ERF: variants seen among roughly 807,000 people sequenced by gnomAD.
The protein encoded by ERF is ETS domain-containing transcription factor ERF.
Under a neutral mutation model 41.6 loss-of-function variants are expected in ERF, and 10 were observed. That is an observed-to-expected ratio of 0.24 (90% CI 0.15 to 0.41). The LOEUF is 0.41. ERF is among the 10% of genes least tolerant of loss of function. The pLI is 1.00. For synonymous variants in ERF, 395 were observed against 342.4 expected (o/e 1.15, Z -1.70); for missense variants, 621 against 763.2 (o/e 0.81, Z 2.19).
At chr19:42,253,963 G>T in intron 1 of ERF, 1 of 1,015,114 alleles carries the variant, frequency 9.9e-7, no homozygotes, top group South Asian at 3.2e-5. Context: ...GCCGGATTCC[G>T]ACGGGGTAGA....
Position 42,250,510 on chromosome 19 carries a change from C to A in ERF, c.78G>T (p.Gln26His). 1.2e-6 allele frequency: 2 copies of A among 1,613,688 alleles called. No homozygotes were observed. The highest frequency in any genetic ancestry group is 1.7e-6 in the Non-Finnish European group (2 of 1,180,034). Residue 26 changes from glutamine to histidine, a missense_variant, in exon 2 of 4, where the codon CAG (glutamine) becomes CAT (histidine). Physicochemically the swap from Gln to His is conservative, Grantham distance 24. Around this residue, in one of 3 missense-constraint regions of ERF, gnomAD observed 34 missense variants for 56.8 expected, o/e 0.60. Transcript: ENST00000222329. This position sits in a 1 kb window ranked among gnomAD's most constrained non-coding sequence, Gnocchi z 5.1. ...YKPESSPGSR[Q>H]IQLWHFILEL... ...CCAGGATAAAGTGCCACAGCTGGAT[C>A]TGCCTTGAGCCAGGGGACGACTCTG...
In ERF at chr19:42,248,289, C is replaced by G. The variant is rs1265795013; in HGVS notation, c.*176G>C. 2.2e-6 allele frequency: 1 copy of G among 457,948 alleles called. No homozygotes were observed. The highest frequency in any genetic ancestry group is 3.3e-6 in the Non-Finnish European group (1 of 299,200). 28.4% of individuals were successfully genotyped at this position (457,948 alleles called of 1,614,324 possible). A position where few individuals can be genotyped will look rare whatever the true frequency, so the allele number is the denominator to read the frequency against. The stretch of plus-strand genomic sequence containing the variant: ...TAGCCCCTAGCCCTGGGCACCCACC[C>G]ACCCCCACCATTTTTAAAAAAAAGA... On this transcript the variant is annotated 3_prime_UTR_variant, in exon 4 of 4. Transcript: ENST00000222329. The surrounding 1 kb of genome is among the most constrained non-coding windows in gnomAD (Gnocchi z 4.2).
rs1489575834 is a variant in ERF at position 42,249,750 on chromosome 19, G to A, written c.374-12C>T. 1.9e-6 allele frequency: 3 copies of A among 1,609,752 alleles called. No individual in the cohort carries two copies. The Admixed American group carries it at 5.0e-5, about 27-fold the overall frequency. ...GGGCACTGCACCCCCTGGCAGAAGG[G>A]AGACAGTGTCAAGGCCCCTGGCCTA... On this transcript the variant is annotated splice_polypyrimidine_tract_variant and intron_variant, in intron 3 of 3. Coordinates refer to ENST00000222329, the MANE Select transcript of ERF (RefSeq NM_006494.4). This position sits in a 1 kb window ranked among gnomAD's most constrained non-coding sequence, Gnocchi z 8.6.
intron 1 of ERF, among the ~76,000 whole-genome samples, chr19:42,252,919 C>T (rs968680936): frequency 1.3e-5 from 2 of 152,110 alleles, no homozygotes; most frequent in Admixed American, 1.3e-4. Context: ...ACCTCGGGAA[C>T]ATGGGGGCCA....
rs2036348532 is a variant in ERF at position 42,247,579 on chromosome 19, CA to C, written c.*885del. Reference sequence around the variant, plus strand: ...ACATTGATCACTGCATCCAAAGGTCCAAAGTTTTATTGTTTTGAATACATTC... The same window carrying C: ...ACATTGATCACTGCATCCAAAGGTCCAAGTTTTATTGTTTTGAATACATTC... On this transcript the variant is annotated 3_prime_UTR_variant, in exon 4 of 4. Transcript: ENST00000222329. The C allele has an allele frequency of 6.5e-6, 1 of 152,706 alleles. No individual in the cohort carries two copies. The highest frequency in any genetic ancestry group is 6.5e-5 in the Admixed American group (1 of 15,290). The allele number at this position is 152,706 out of a possible 1,614,324, so 9.5% of individuals were successfully genotyped here. A position where few individuals can be genotyped will look rare whatever the true frequency, so the allele number is the denominator to read the frequency against.
intron 1 of ERF, chr19:42,253,930 C>A (rs1046789232): frequency 9.6e-7 from 1 of 1,041,896 alleles, no homozygotes; most frequent in Non-Finnish European, 1.2e-6. Flanking sequence ...GGCCCCCTTC[C>A]CCCTCCCCCG....
intron 1 of ERF, among the ~76,000 whole-genome samples, chr19:42,254,354 G>A (rs1229371197): frequency 6.6e-6 from 1 of 151,976 alleles, no homozygotes; most frequent in Non-Finnish European, 1.5e-5. Context: ...TTCTAAGGTC[G>A]GAAACAAAAA....
In ERF at chr19:42,250,615, G is replaced by A; in HGVS notation, c.23-50C>T. ...CCTGGGGTCAGGCTGCCAAGTCCAGGGCTCTGGGTCCCATCCCAGGGTCCA... is the reference window on the plus strand; with the variant it reads ...CCTGGGGTCAGGCTGCCAAGTCCAGAGCTCTGGGTCCCATCCCAGGGTCCA... On this transcript the variant is annotated intron_variant, in intron 1 of 3. Coordinates refer to ENST00000222329, the MANE Select transcript of ERF (RefSeq NM_006494.4). This position sits in a 1 kb window ranked among gnomAD's most constrained non-coding sequence, Gnocchi z 5.1. 1 of 1,576,714 alleles carries A rather than the reference G, an allele frequency of 6.3e-7. No homozygotes were observed. Among genetic ancestry groups the A allele is most frequent in the South Asian group, 1.1e-5 (1 of 87,596 alleles).
rs1425355007 is a variant in ERF at position 42,250,563 on chromosome 19, A to G, written c.25T>C (p.Phe9Leu). 1 of 1,612,766 alleles carries G rather than the reference A, an allele frequency of 6.2e-7. No homozygotes were observed. The highest frequency in any genetic ancestry group is 8.5e-7 in the Non-Finnish European group (1 of 1,179,806). The change falls in exon 2 of 4, where the codon TTT (phenylalanine) becomes CTT (leucine). Residue 9 changes from phenylalanine to leucine, a missense_variant and splice_region_variant. Around this residue, in one of 3 missense-constraint regions of ERF, gnomAD observed 34 missense variants for 56.8 expected, o/e 0.60. Transcript: ENST00000222329. This position sits in a 1 kb window ranked among gnomAD's most constrained non-coding sequence, Gnocchi z 5.1. ...TTGTAGGCCCAATCCGGGAAGGCAA[A>G]CCCTGGGGACGGGAGGCAGGGAGTG... MKTPADTG[F>L]AFPDWAYKPE... is the part of the protein sequence containing the mutation.
chr19:42,248,626 C>T lies in ERF; in HGVS notation c.1486G>A (p.Gly496Arg), dbSNP rs746136866. ...AAGCCCCCAGCGGGGCCCCCACCCCCTTCGAGGCGACAGTCTTCACTCCAG... is the reference window on the plus strand; with the variant it reads ...AAGCCCCCAGCGGGGCCCCCACCCCTTTCGAGGCGACAGTCTTCACTCCAG... Reference protein sequence around the residue: ...RRWSEDCRLEGGGGPAGGFED... With the variant: ...RRWSEDCRLERGGGPAGGFED... The change falls in exon 4 of 4, where the codon GGG becomes AGG. Residue 496 changes from glycine (G) to arginine (R), a missense_variant. By Grantham distance (125) the Gly-to-Arg change is moderately radical (BLOSUM62 -2). Coordinates refer to ENST00000222329, the MANE Select transcript of ERF (RefSeq NM_006494.4). The surrounding 1 kb of genome is among the most constrained non-coding windows in gnomAD (Gnocchi z 4.2). 4 of 1,585,250 alleles carry T rather than the reference C, an allele frequency of 2.5e-6. No homozygotes were observed. Among genetic ancestry groups the T allele is most frequent in the Non-Finnish European group, 2.6e-6 (3 of 1,162,972 alleles).
chr19:42,248,403 G>T lies in ERF; in HGVS notation c.*62C>A. On this transcript the variant is annotated 3_prime_UTR_variant, in exon 4 of 4. Coordinates refer to ENST00000222329, the MANE Select transcript of ERF (RefSeq NM_006494.4). This position sits in a 1 kb window ranked among gnomAD's most constrained non-coding sequence, Gnocchi z 4.2. ...CTGCCCTCACCTCCAGGGCATAGGGGGCTTAAGGCAGCAAAAGAAGCATGG... is the reference window on the plus strand; with the variant it reads ...CTGCCCTCACCTCCAGGGCATAGGGTGCTTAAGGCAGCAAAAGAAGCATGG... The T allele has an allele frequency of 7.1e-7, 1 of 1,399,956 alleles. No individual in the cohort carries two copies. Among genetic ancestry groups the T allele is most frequent in the African/African-American group, 1.5e-5 (1 of 68,954 alleles). The allele number at this position is 1,399,956 out of a possible 1,614,324, so 86.7% of individuals were successfully genotyped here. A position where few individuals can be genotyped will look rare whatever the true frequency, so the allele number is the denominator to read the frequency against.
In ERF at chr19:42,250,366, G is replaced by A; in HGVS notation, c.222C>T (p.Pro74=). The A allele has an allele frequency of 6.2e-7, 1 of 1,614,076 alleles. No homozygotes were observed. The highest frequency in any genetic ancestry group is 1.7e-4 in the Middle Eastern group (1 of 5,994). ...ARLWGVRKCK[P]QMNYDKLSRA... is the part of the protein sequence containing the mutation. ...GGCTCAGCTTGTCGTAATTCATCTG[G>A]GGCTTGCACTTGCGAACGCCCCACA... Residue 74 remains proline, a synonymous_variant, in exon 2 of 4, where the codon CCC becomes CCT. Transcript: ENST00000222329. This position sits in a 1 kb window ranked among gnomAD's most constrained non-coding sequence, Gnocchi z 5.1.
rs548811826 is a variant in ERF, at chr19:42,249,763, G to C, written c.374-25C>G. 7.0e-4 allele frequency: 1,129 copies of C among 1,612,402 alleles called. 13 individuals are homozygous for C. In the South Asian group the frequency reaches 0.012, roughly 17 times the overall value. ...CCTGGCAGAAGGGAGACAGTGTCAA[G>C]GCCCCTGGCCTAGCCTGAAGGGGCA... On this transcript the variant is annotated intron_variant, in intron 3 of 3. Transcript: ENST00000222329. This position sits in a 1 kb window ranked among gnomAD's most constrained non-coding sequence, Gnocchi z 8.6.
At chr19:42,251,592 C>G (rs1401554461) in intron 1 of ERF, among the ~76,000 whole-genome samples, 2 of 151,972 alleles carry the variant, frequency 1.3e-5, no homozygotes, top group African/African-American at 4.8e-5. Flanking sequence ...AGAGCAGGGT[C>G]CCTGGTGCCA....
At chr19:42,252,410 C>T (rs1282108838) in intron 1 of ERF, among the ~76,000 whole-genome samples, 1 of 149,430 alleles carries the variant, frequency 6.7e-6, no homozygotes. Context: ...AACCAGGCAA[C>T]GTGTGTGCAG....
At position 42,249,731 on chromosome 19, in the gene ERF, T is replaced by C. The variant is rs531529282; in HGVS notation, c.381A>G (p.Ala127=). The C allele has an allele frequency of 5.0e-6, 8 of 1,603,472 alleles. No individual in the cohort carries two copies. The African/African-American group carries it at 5.3e-5, about 11-fold the overall frequency. Residue 127 remains alanine, a synonymous_variant, in exon 4 of 4, where the codon GCA becomes GCG. Transcript: ENST00000222329. The surrounding 1 kb of genome is among the most constrained non-coding windows in gnomAD (Gnocchi z 8.6). ...PFIDVGLAGG[A]VPQSAPPVPS... is the part of the protein sequence containing the mutation. Reference sequence around the variant, plus strand: ...GCACTGGCGGGGCACTCTGGGGCACTGCACCCCCTGGCAGAAGGGAGACAG... The same window carrying C: ...GCACTGGCGGGGCACTCTGGGGCACCGCACCCCCTGGCAGAAGGGAGACAG...
Position 42,253,502 on chromosome 19 carries a change from G to A in ERF, c.22+1476C>T, listed in dbSNP as rs149104584. ...CGCGGATCCTATCAGGCCAAGGCCG[G>A]TAGCAGGGAGAGAAGATGAAGCGAG... On this transcript the variant is annotated intron_variant, in intron 1 of 3. Transcript: ENST00000222329. Among the ~76,000 whole-genome samples the A allele has an allele frequency of 5.3e-5, 8 of 152,304 alleles. No homozygotes were observed. In the East Asian group the frequency reaches 9.7e-4, roughly 18 times the overall value.
At position 42,249,428 on chromosome 19, in the gene ERF, G is replaced by A. The variant is rs752733313; in HGVS notation, c.684C>T (p.Asp228=). 3.1e-6 allele frequency: 5 copies of A among 1,592,368 alleles called. No individual in the cohort carries two copies. The highest frequency in any genetic ancestry group is 3.4e-6 in the Non-Finnish European group (4 of 1,169,858). ...RGPPLARLPH[D]PGVFRVYPRP... ...GGGGATAGACTCGGAAGACACCAGG[G>A]TCATGGGGCAGGCGGGCCAGCGGGG... Residue 228 remains aspartate, a synonymous_variant, in exon 4 of 4, where the codon GAC becomes GAT. Transcript: ENST00000222329. This position sits in a 1 kb window ranked among gnomAD's most constrained non-coding sequence, Gnocchi z 8.6.
chr19:42,251,226 C>A, intron 1 of ERF: 1 of 985,274 alleles, frequency 1.0e-6, no homozygotes, highest in Non-Finnish European at 1.2e-6. Context: ...CTGAGCTACA[C>A]TGCCCTCCCC....
Sources: allele counts gnomAD v4.1 joint callset (sites outside exome capture counted in the v4.1 genomes callset), GRCh38; gene constraint gnomAD v4.1.1; regional missense constraint gnomAD v4.1.1; non-coding constraint Gnocchi (gnomAD v3.1); transcripts MANE v1.5; gene names NCBI Gene and HGNC (gene_info 2026-07-23, HGNC 2026-07-21).